Variants in MEX3C observed in about 807,000 individuals in gnomAD.
MEX3C encodes the protein mex-3 RNA binding family member C, also known as RNA-binding E3 ubiquitin-protein ligase MEX3C.
In MEX3C, 15 loss-of-function variants were observed where a neutral mutation model predicts 35.5. The ratio of observed to expected loss-of-function variants is 0.42; its 90% CI spans 0.28 to 0.65. MEX3C has a LOEUF of 0.65. MEX3C is among the 30% of genes least tolerant of loss of function. The pLI is 0.20. For missense variants in MEX3C, 711 were observed against 842.8 expected (o/e 0.84, Z 1.94); for synonymous variants, 390 against 352.8 (o/e 1.11, Z -1.18).
chr18:51,192,883 C>T (rs1244155957), intron 1 of MEX3C: 2 of 152,104 alleles, frequency 1.3e-5, no homozygotes, highest in Admixed American at 6.5e-5. Context: ...CCCTCATCCC[C>T]ATAAAAGAAA....
Position 51,196,712 on chromosome 18 carries a change from G to A in MEX3C, c.609C>T (p.His203=). The change falls in exon 1 of 2, where the codon CAC becomes CAT. Residue 203 remains histidine (H), a synonymous_variant. Transcript: ENST00000406189. ...CCCCACAACCGCCGGGGCCGTAGGC[G>A]TGGGACAGCATCGCCGCCATCATGC... The part of the protein sequence containing the change: ...AQGMMAAMLS[H]AYGPGGCGAA... The A allele has an allele frequency of 6.5e-7, 1 of 1,537,330 alleles. No individual in the cohort carries two copies. Among genetic ancestry groups the A allele is most frequent in the Non-Finnish European group, 8.7e-7 (1 of 1,146,684 alleles).
Position 51,176,337 on chromosome 18 carries a change from G to A in MEX3C, c.*14C>T. ...GTCCATATAGAGATATAGTATTTAT[G>A]TATATATATATAGTTAAGAGTGAAT... On this transcript the variant is annotated 3_prime_UTR_variant, in exon 2 of 2. Coordinates refer to ENST00000406189, the MANE Select transcript of MEX3C (RefSeq NM_016626.5). 6.3e-7 allele frequency: 1 copy of A among 1,584,946 alleles called. No homozygotes were observed. The highest frequency in any genetic ancestry group is 8.6e-7 in the Non-Finnish European group (1 of 1,163,930).
chr18:51,194,792 C>T (rs1274907658), intron 1 of MEX3C: 1 of 152,214 alleles, frequency 6.6e-6, no homozygotes, highest in Non-Finnish European at 1.5e-5. Context: ...TGCCTTCCCC[C>T]TTTTCCACCA....
In MEX3C at chr18:51,175,281, A is replaced by C. The variant is rs1218095670; in HGVS notation, c.*1070T>G. 1 of 152,588 alleles carries C rather than the reference A, an allele frequency of 6.6e-6. No individual in the cohort carries two copies. The highest frequency in any genetic ancestry group is 2.4e-5 in the African/African-American group (1 of 41,440). 9.5% of individuals were successfully genotyped at this position (152,588 alleles called of 1,614,324 possible). On this transcript the variant is annotated 3_prime_UTR_variant, in exon 2 of 2. Transcript: ENST00000406189. Reference sequence around the variant, plus strand: ...CAGATTTGGGAACATACTGAGGATGAAGTTATAGACATCCACAGGTGAAAT... The same window carrying C: ...CAGATTTGGGAACATACTGAGGATGCAGTTATAGACATCCACAGGTGAAAT...
Position 51,197,574 on chromosome 18 carries a change from G to A in MEX3C, c.-254C>T, listed in dbSNP as rs917616042. Among the ~76,000 whole-genome samples the A allele has an allele frequency of 2.7e-5, 4 of 150,738 alleles. No individual in the cohort carries two copies. Among genetic ancestry groups the A allele is most frequent in the Admixed American group, 6.6e-5 (1 of 15,214 alleles). On this transcript the variant is annotated 5_prime_UTR_variant, in exon 1 of 2. Coordinates refer to ENST00000406189, the MANE Select transcript of MEX3C (RefSeq NM_016626.5). ...GGTGGGGACGGCGGCGGGGCGGGCT[G>A]GTGGAGGTGGCAGCGGCTCCCCTCT...
intron 1 of MEX3C, chr18:51,196,216 CA>C (rs751117237): frequency 2.8e-6 from 1 of 362,156 alleles, no homozygotes; most frequent in Non-Finnish European, 5.0e-6. Flanking sequence ...TTTCCGTACC[CA>C]ACAGCGAACC....
intron 1 of MEX3C, among the ~76,000 whole-genome samples, chr18:51,186,823 C>T (rs1372720385): frequency 6.6e-6 from 1 of 152,130 alleles, no homozygotes; most frequent in African/African-American, 2.4e-5. Context: ...TTTCTAGAAA[C>T]TAAACGCATT....
rs1278266633 is a variant in MEX3C, at chr18:51,177,597, CA to C, written c.755-22del. ...ACAACCTGTTAGAAAGAAAACATTT[CA>C]TAAGAATCAACATCTACTTCAATGA... On this transcript the variant is annotated intron_variant, in intron 1 of 1. Coordinates refer to ENST00000406189, the MANE Select transcript of MEX3C (RefSeq NM_016626.5). The surrounding 1 kb of genome is among the most constrained non-coding windows in gnomAD (Gnocchi z 4.2). 1.3e-5 allele frequency: 21 copies of C among 1,559,902 alleles called. No homozygotes were observed. The highest frequency in any genetic ancestry group is 1.7e-5 in the Non-Finnish European group (20 of 1,158,088).
intron 1 of MEX3C, among the ~76,000 whole-genome samples, chr18:51,184,572 T>C (rs181940776): frequency 2.0e-5 from 3 of 152,248 alleles, no homozygotes; most frequent in Non-Finnish European, 4.4e-5. Flanking sequence ...AGAAGTAGCT[T>C]TTGGCTGTGT....
At chr18:51,184,111 G>C (rs918434765) in intron 1 of MEX3C, among the ~76,000 whole-genome samples, 1 of 152,124 alleles carries the variant, frequency 6.6e-6, no homozygotes, top group Non-Finnish European at 1.5e-5. Context: ...ATTGCCTATG[G>C]TGACCCCAAG....
In MEX3C at chr18:51,196,649, C is replaced by A; in HGVS notation, c.672G>T (p.Leu224=). The A allele has an allele frequency of 1.3e-6, 2 of 1,574,820 alleles. No individual in the cohort carries two copies. The highest frequency in any genetic ancestry group is 1.8e-5 in the Admixed American group (1 of 56,386). ...AAALNGEQAA[L]LRRKSVNTTE... is the part of the protein sequence containing the mutation. ...TGGTGTTGACGCTCTTTCTCCGGAG[C>A]AGGGCCGCCTGCTCCCCGTTCAGGG... is the stretch of plus-strand genomic sequence containing the variant. The change falls in exon 1 of 2, where the codon CTG becomes CTT. Residue 224 remains leucine, a synonymous_variant. Transcript: ENST00000406189.
chr18:51,180,262 G>T lies in MEX3C; in HGVS notation c.755-2686C>A, dbSNP rs116569169. ...TATTAACTGAGGAAATATGCTTGAG[G>T]GTCCACAGAACACTATCTAGCCTAT... On this transcript the variant is annotated intron_variant, in intron 1 of 1. Transcript: ENST00000406189. 4.5e-3 allele frequency among the ~76,000 whole-genome samples: 681 copies of T among 152,098 alleles called. 2 individuals are homozygous for T. The highest frequency in any genetic ancestry group is 0.015 in the African/African-American group (642 of 41,486).
chr18:51,176,882 T>C lies in MEX3C; in HGVS notation c.1449A>G (p.Thr483=), dbSNP rs764102386. 7 of 1,613,920 alleles carry C rather than the reference T, an allele frequency of 4.3e-6. No individual in the cohort carries two copies. Among genetic ancestry groups the C allele is most frequent in the Non-Finnish European group, 5.9e-6 (7 of 1,179,906 alleles). Reference sequence around the variant, plus strand: ...GGTCTTCTGAGCCTACAGATGGTAGTGTATCTCCAAACCAGAAGTTTCCTG... The same window carrying C: ...GGTCTTCTGAGCCTACAGATGGTAGCGTATCTCCAAACCAGAAGTTTCCTG... ...FSTGNFWFGD[T]LPSVGSEDLA... Residue 483 remains threonine (T), a synonymous_variant, in exon 2 of 2, where the codon ACA becomes ACG. Transcript: ENST00000406189.
chr18:51,190,658 TG>T (rs1568234530), intron 1 of MEX3C, among the ~76,000 whole-genome samples: 1 of 151,254 alleles, frequency 6.6e-6, no homozygotes, highest in Non-Finnish European at 1.5e-5. Context: ...AACACTGGCA[TG>T]GAAGAGGTCC....
chr18:51,195,829 G>A (rs888926721), intron 1 of MEX3C: 4 of 152,230 alleles, frequency 2.6e-5, no homozygotes, highest in Admixed American at 2.0e-4. Flanking sequence ...GTGAAGAGGA[G>A]AATTAACTGA....
intron 1 of MEX3C, chr18:51,195,597 A>AACC (rs1912762403): frequency 6.6e-6 from 1 of 152,202 alleles, no homozygotes. Context: ...AACCAGGCTA[A>AACC]ACCACATTGT....
At chr18:51,191,168 T>C (rs532734894) in intron 1 of MEX3C, among the ~76,000 whole-genome samples, 1 of 152,316 alleles carries the variant, frequency 6.6e-6, no homozygotes, top group South Asian at 2.1e-4. Context: ...AATTATAAAA[T>C]AGTACTGTAG....
chr18:51,175,626 T>C lies in MEX3C; in HGVS notation c.*725A>G, dbSNP rs1459568117. On this transcript the variant is annotated 3_prime_UTR_variant, in exon 2 of 2. Coordinates refer to ENST00000406189, the MANE Select transcript of MEX3C (RefSeq NM_016626.5). ...TGCCATCCCAAAGCCCTTCCTGATATGGGAAAACCCAGGTGGCCATTTCCA... is the reference window on the plus strand; with the variant it reads ...TGCCATCCCAAAGCCCTTCCTGATACGGGAAAACCCAGGTGGCCATTTCCA... 1.3e-5 allele frequency: 2 copies of C among 152,598 alleles called. No individual in the cohort carries two copies. Among genetic ancestry groups the C allele is most frequent in the South Asian group, 2.1e-4 (1 of 4,824 alleles). The allele number at this position is 152,598 out of a possible 1,614,324, so 9.5% of individuals were successfully genotyped here.
intron 1 of MEX3C, among the ~76,000 whole-genome samples, chr18:51,187,170 G>A (rs1023941591): frequency 1.3e-5 from 2 of 151,822 alleles, no homozygotes; most frequent in South Asian, 2.1e-4. Context: ...ATCTCTGCTC[G>A]GGTATTTCCT....
Sources: gnomAD v4.1 joint callset for allele counts (sites outside exome capture counted in the v4.1 genomes callset) on GRCh38, gnomAD v4.1.1 for gene constraint, Gnocchi (gnomAD v3.1) non-coding constraint, MANE v1.5 for transcripts, NCBI Gene and HGNC (gene_info 2026-07-23, HGNC 2026-07-21) for gene names.